ASIC2: variants seen among roughly 807,000 people sequenced by gnomAD.
ASIC2 encodes acid-sensing ion channel 2.
Under a neutral mutation model 57.3 loss-of-function variants are expected in ASIC2, and 25 were observed. The observed-to-expected ratio is 0.44, with a 90% CI of 0.32 to 0.61. ASIC2 has a LOEUF of 0.61. Ranked by LOEUF, ASIC2 falls within the 20% of genes least tolerant of loss-of-function variation. The pLI is 0.06. For synonymous variants in ASIC2, 319 were observed against 307.5 expected (o/e 1.04, Z -0.39); for missense variants, 641 against 738.1 (o/e 0.87, Z 1.52).
rs975961321 is a variant in ASIC2 at position 33,456,906 on chromosome 17, G to A, written c.556-344839C>T. On this transcript the variant is annotated intron_variant, in intron 1 of 9. Transcript: ENST00000359872. ...GTACTCAACAACTGTCAGATTGAAA[G>A]GCAGTCCTAAATGTGGCAAAGTGTC... Among the ~76,000 whole-genome samples the A allele has an allele frequency of 2.0e-5, 3 of 152,330 alleles. No individual in the cohort carries two copies. The South Asian group carries it at 6.2e-4, about 32-fold the overall frequency.
chr17:33,611,678 T>C (rs1050005086), intron 1 of ASIC2, among the ~76,000 whole-genome samples: 5 of 152,190 alleles, frequency 3.3e-5, no homozygotes, highest in African/African-American at 1.2e-4. Context: ...TCATGGCAGA[T>C]CACAGGGGTG....
chr17:33,112,048 T>C lies in ASIC2; in HGVS notation c.728A>G (p.Lys243Arg). 6.2e-7 allele frequency: 1 copy of C among 1,613,562 alleles called. No homozygotes were observed. Among genetic ancestry groups the C allele is most frequent in the Non-Finnish European group, 8.5e-7 (1 of 1,179,800 alleles). Reference sequence around the variant, plus strand: ...CTCGCCTGAGTTAAACATGTAACACTTCCCATATTTTGTAAACACCTGAAG... The same window carrying C: ...CTCGCCTGAGTTAAACATGTAACACCTCCCATATTTTGTAAACACCTGAAG... ...NFSSVFTKYG[K>R]CYMFNSGEDG... Residue 243 changes from lysine to arginine, a missense_variant, in exon 2 of 10, where the codon AAG (lysine) becomes AGG (arginine). Lys to Arg is a conservative substitution (Grantham distance 26). Transcript: ENST00000225823.
intron 1 of ASIC2, among the ~76,000 whole-genome samples, chr17:33,962,357 A>G (rs1904950798): frequency 6.6e-6 from 1 of 152,184 alleles, no homozygotes; most frequent in South Asian, 2.1e-4. Context: ...TTGAAAGAGT[A>G]TAGTGCCTGG....
chr17:33,737,419 C>T (rs1340368385), intron 1 of ASIC2, among the ~76,000 whole-genome samples: 1 of 152,188 alleles, frequency 6.6e-6, no homozygotes, highest in Non-Finnish European at 1.5e-5. Context: ...GACCTCCTGT[C>T]TCTTTCCTGA....
At chr17:34,031,075 C>T (rs563479011) in intron 1 of ASIC2, among the ~76,000 whole-genome samples, 1 of 152,310 alleles carries the variant, frequency 6.6e-6, no homozygotes, top group East Asian at 1.9e-4. Context: ...TCAAGTGGGT[C>T]CCTGACCCCT....
chr17:33,803,065 A>G (rs888626826), intron 1 of ASIC2, among the ~76,000 whole-genome samples: 1 of 152,200 alleles, frequency 6.6e-6, no homozygotes, highest in East Asian at 1.9e-4. Flanking sequence ...GTTCTGAGTA[A>G]TGAGGAAATG....
chr17:33,815,191 G>A (rs1912540427), intron 1 of ASIC2, among the ~76,000 whole-genome samples: 1 of 152,156 alleles, frequency 6.6e-6, no homozygotes, highest in Non-Finnish European at 1.5e-5. Flanking sequence ...GTTTCCCATA[G>A]TGGGGTCTAC....
At chr17:33,808,200 G>A (rs540236619) in intron 1 of ASIC2, among the ~76,000 whole-genome samples, 2 of 152,352 alleles carry the variant, frequency 1.3e-5, no homozygotes, top group African/African-American at 4.8e-5. Context: ...AAATGGATCT[G>A]AGTTTGTGAA....
chr17:33,576,819 C>T (rs954558210), intron 1 of ASIC2, among the ~76,000 whole-genome samples: 2 of 152,182 alleles, frequency 1.3e-5, no homozygotes, highest in Admixed American at 6.5e-5. Context: ...GAACCAGGAT[C>T]ATACCGATTC....
At chr17:34,044,107 C>T (rs1908238173) in intron 1 of ASIC2, among the ~76,000 whole-genome samples, 1 of 91,140 alleles carries the variant, frequency 1.1e-5, no homozygotes, top group African/African-American at 6.6e-5. Flanking sequence ...GAATCACACA[C>T]ACACACACAC....
chr17:33,347,462 G>A (rs1448717267), intron 1 of ASIC2, among the ~76,000 whole-genome samples: 1 of 152,168 alleles, frequency 6.6e-6, no homozygotes, highest in Non-Finnish European at 1.5e-5. Flanking sequence ...AACACCAAGT[G>A]CCGGTTTGAG....
chr17:34,085,406 T>A (rs1910073272), intron 1 of ASIC2, among the ~76,000 whole-genome samples: 1 of 152,254 alleles, frequency 6.6e-6, no homozygotes, highest in African/African-American at 2.4e-5. Flanking sequence ...TCATGGTGGA[T>A]AAGCTTTCTG....
intron 1 of ASIC2, among the ~76,000 whole-genome samples, chr17:33,146,184 G>C (rs1330985959): frequency 1.3e-5 from 2 of 152,178 alleles, no homozygotes; most frequent in African/African-American, 2.4e-5. Flanking sequence ...ATCCCTGGAA[G>C]TCAGCAGAAT....
chr17:34,116,928 G>A (rs1598034787), intron 1 of ASIC2, among the ~76,000 whole-genome samples: 1 of 152,090 alleles, frequency 6.6e-6, no homozygotes, highest in Non-Finnish European at 1.5e-5. Flanking sequence ...ATGTGAACCA[G>A]CCATTGGTTC....
At chr17:34,035,622 C>T (rs1907843068) in intron 1 of ASIC2, among the ~76,000 whole-genome samples, 1 of 152,048 alleles carries the variant, frequency 6.6e-6, no homozygotes, top group Non-Finnish European at 1.5e-5. Context: ...AAAATTTTTG[C>T]AACCTACTCA....
chr17:33,294,640 A>C (rs1054164953), upstream of ASIC2, among the ~76,000 whole-genome samples: 2 of 152,116 alleles, frequency 1.3e-5, no homozygotes, highest in East Asian at 3.9e-4. Context: ...CACACTACAC[A>C]TACAACACAC....
intron 1 of ASIC2, among the ~76,000 whole-genome samples, chr17:33,816,168 G>GA (rs1288828524): frequency 2.1e-5 from 2 of 97,534 alleles, no homozygotes; most frequent in African/African-American, 8.6e-5. Flanking sequence ...CTCACCAACT[G>GA]AAGGGGGGGC....
chr17:34,092,188 G>A (rs935114558), intron 1 of ASIC2, among the ~76,000 whole-genome samples: 12 of 152,208 alleles, frequency 7.9e-5, no homozygotes, highest in Non-Finnish European at 1.3e-4. Flanking sequence ...TTTTGGCTCC[G>A]GGGCCAGTGT....
chr17:33,451,799 T>A (rs562126585), intron 1 of ASIC2, among the ~76,000 whole-genome samples: 50 of 152,342 alleles, frequency 3.3e-4, no homozygotes, highest in African/African-American at 1.2e-3. Context: ...TGACCTAGTT[T>A]GTTCTATACC....
Sources: gnomAD v4.1 joint callset for allele counts (sites outside exome capture counted in the v4.1 genomes callset) on GRCh38, gnomAD v4.1.1 for gene constraint, MANE v1.5 for transcripts, NCBI Gene and HGNC (gene_info 2026-07-23, HGNC 2026-07-21) for gene names.